The following SUSD4 variants were observed in gnomAD, a reference collection of about 807,000 sequenced individuals.
The protein encoded by SUSD4 is sushi domain-containing protein 4.
In SUSD4, 41 loss-of-function variants were observed where a neutral mutation model predicts 50.5. The observed-to-expected ratio is 0.81, with a 90% CI of 0.63 to 1.05. The LOEUF (loss-of-function observed/expected upper bound fraction) is 1.05. SUSD4 is among the 50% of genes least tolerant of loss of function. SUSD4 has a pLI of 0.00. For synonymous variants in SUSD4, 257 were observed against 257.3 expected (o/e 1.00, Z 0.01); for missense variants, 580 against 634.7 (o/e 0.91, Z 0.93).
At chr1:223,250,107 A>G (rs1661202299) in intron 5 of SUSD4, among the ~76,000 whole-genome samples, 1 of 152,206 alleles carries the variant, frequency 6.6e-6, no homozygotes, top group African/African-American at 2.4e-5. Context: ...TGGGCATTTT[A>G]CTTTCTCATC....
At chr1:223,317,230 G>A (rs1666251876) in intron 2 of SUSD4, among the ~76,000 whole-genome samples, 1 of 152,238 alleles carries the variant, frequency 6.6e-6, no homozygotes, top group South Asian at 2.1e-4. Context: ...AGTGGTCTCT[G>A]GTCATCCTCA....
intron 5 of SUSD4, among the ~76,000 whole-genome samples, chr1:223,260,821 C>T (rs1174040327): frequency 6.6e-6 from 1 of 152,208 alleles, no homozygotes; most frequent in Non-Finnish European, 1.5e-5. Context: ...ACTCTTGCCA[C>T]CTTTGGTGAG....
chr1:223,342,224 T>C (rs1380764935), intron 2 of SUSD4, among the ~76,000 whole-genome samples: 4 of 152,146 alleles, frequency 2.6e-5, no homozygotes, highest in East Asian at 3.9e-4. Flanking sequence ...TCATGTTCTC[T>C]AGGTCAGTGA....
rs796246426 is a variant in SUSD4, at chr1:223,290,691, A to G, written c.361+1748T>C. 4.0e-5 allele frequency among the ~76,000 whole-genome samples: 6 copies of G among 151,440 alleles called. 1 individual carries two copies. Among genetic ancestry groups the G allele is most frequent in the African/African-American group, 1.2e-4 (5 of 41,272 alleles). On this transcript the variant is annotated intron_variant, in intron 3 of 8. Coordinates refer to ENST00000366878, the MANE Select transcript of SUSD4 (RefSeq NM_017982.4). ...ATGAATTCCATTAAATAAGTAGAGA[A>G]AAAAAAAAGAATGACACATGCAGAC... is the stretch of plus-strand genomic sequence containing the variant.
intron 2 of SUSD4, among the ~76,000 whole-genome samples, chr1:223,350,521 G>C (rs4661258): frequency 1.3e-5 from 2 of 152,176 alleles, no homozygotes; most frequent in Non-Finnish European, 2.9e-5. Flanking sequence ...ATCCTCTCAC[G>C]GTCCTCCCTG....
chr1:223,289,569 T>A (rs1664352815), intron 3 of SUSD4, among the ~76,000 whole-genome samples: 1 of 152,160 alleles, frequency 6.6e-6, no homozygotes, highest in African/African-American at 2.4e-5. Flanking sequence ...ACTTAGTTTT[T>A]AAAAAATCTG....
chr1:223,230,808 G>A (rs1447247711), intron 5 of SUSD4: 1 of 152,176 alleles, frequency 6.6e-6, no homozygotes, highest in East Asian at 1.9e-4. Flanking sequence ...CTCACCAGCC[G>A]AGTCACCCTA....
intron 6 of SUSD4, among the ~76,000 whole-genome samples, chr1:223,228,051 G>C (rs1371474441): frequency 1.3e-5 from 2 of 152,228 alleles, no homozygotes; most frequent in East Asian, 3.8e-4. Context: ...ACAGAGGTGG[G>C]CATCTCTCTT....
At chr1:223,322,741 C>A (rs1306186468) in intron 2 of SUSD4, among the ~76,000 whole-genome samples, 1 of 152,126 alleles carries the variant, frequency 6.6e-6, no homozygotes, top group East Asian at 1.9e-4. Flanking sequence ...AGTGCATTCA[C>A]CAAATTATCT....
chr1:223,222,314 C>A, intron 8 of SUSD4, 94 bp from the exon 9 acceptor site: 1 of 1,348,622 alleles, frequency 7.4e-7, no homozygotes, highest in Non-Finnish European at 1.0e-6. Flanking sequence ...TACAGTTTCT[C>A]AAATCAGTGA....
chr1:223,344,795 C>G (rs61838243), intron 2 of SUSD4, among the ~76,000 whole-genome samples: 1 of 152,048 alleles, frequency 6.6e-6, no homozygotes, highest in Non-Finnish European at 1.5e-5. Flanking sequence ...GATATGTACA[C>G]GTGGAGGGTA....
At chr1:223,363,157 G>T in intron 2 of SUSD4, 121 bp downstream of exon 2, 1 of 1,210,120 alleles carries the variant, frequency 8.3e-7, no homozygotes, top group Non-Finnish European at 1.1e-6. Flanking sequence ...GCACCCTCGC[G>T]TTGTCAGATC....
In SUSD4 at chr1:223,283,015, G is replaced by T. The variant is rs984058655; in HGVS notation, c.361+9424C>A. Among the ~76,000 whole-genome samples the T allele has an allele frequency of 5.9e-5, 9 of 152,346 alleles. 1 individual carries two copies. Among genetic ancestry groups the T allele is most frequent in the African/African-American group, 2.2e-4 (9 of 41,578 alleles). ...AAGCATTCTGTATTTAACAAATGGT[G>T]CTGGGAAAACTGGCTAGCCATATGT... On this transcript the variant is annotated intron_variant, in intron 3 of 8. Transcript: ENST00000366878.
rs370889809 is a variant in SUSD4, at chr1:223,297,741, G to A, written c.149-5090C>T. On this transcript the variant is annotated intron_variant, in intron 2 of 8. Transcript: ENST00000366878. ...GACCATCATCACTGCTCTACTTAGC[G>A]GTCTCCCTCACTGGGCTGTGAACTC... Among the ~76,000 whole-genome samples, 13 of 152,294 alleles carry A rather than the reference G, an allele frequency of 8.5e-5. No homozygotes were observed. In the South Asian group the frequency reaches 1.0e-3, roughly 12 times the overall value.
At chr1:223,257,759 G>C (rs535334360) in intron 5 of SUSD4, among the ~76,000 whole-genome samples, 3 of 152,202 alleles carry the variant, frequency 2.0e-5, no homozygotes, top group Middle Eastern at 3.4e-3. Context: ...TGGATCACCG[G>C]GCAGGGAGCT....
chr1:223,352,506 G>C (rs870486), intron 2 of SUSD4, among the ~76,000 whole-genome samples: 50,434 of 152,048 alleles, frequency 0.33, 8,483 homozygotes, highest in African/African-American at 0.4. Flanking sequence ...GGGGCCCATG[G>C]GTGGCAAAGA....
intron 2 of SUSD4, among the ~76,000 whole-genome samples, chr1:223,358,163 C>T (rs1270429089): frequency 6.6e-6 from 1 of 152,150 alleles, no homozygotes; most frequent in African/African-American, 2.4e-5. Flanking sequence ...AAGACACCAA[C>T]GCTTATCTGA....
At chr1:223,289,143 C>T in intron 3 of SUSD4, 1 of 985,432 alleles carries the variant, frequency 1.0e-6, no homozygotes, top group Non-Finnish European at 1.2e-6. Flanking sequence ...GCCCTGCGCC[C>T]ACGGGGTGTA....
At chr1:223,352,393 G>C (rs1295437572) in intron 2 of SUSD4, among the ~76,000 whole-genome samples, 3 of 152,148 alleles carry the variant, frequency 2.0e-5, no homozygotes, top group Non-Finnish European at 4.4e-5. Context: ...TAAATGCCCT[G>C]CTACCTCCTT....
Sources: gnomAD v4.1 joint callset for allele counts (sites outside exome capture counted in the v4.1 genomes callset) on GRCh38, gnomAD v4.1.1 for gene constraint, MANE v1.5 for transcripts, NCBI Gene and HGNC (gene_info 2026-07-23, HGNC 2026-07-21) for gene names.